Variants in ABCG5 observed in about 807,000 individuals in gnomAD.
The protein encoded by ABCG5 is ATP-binding cassette sub-family G member 5.
ABCG5 carries 64 observed loss-of-function variants against 64.5 expected under a neutral mutation model. The ratio of observed to expected loss-of-function variants is 0.99; its 90% confidence interval spans 0.81 to 1.22. The LOEUF (loss-of-function observed/expected upper bound fraction) is 1.22. ABCG5 is among the 50% of genes most tolerant of loss of function. The pLI is 0.00. For missense variants in ABCG5, 908 were observed against 829.5 expected (o/e 1.09, Z -1.16); for synonymous variants, 385 against 326.3 (o/e 1.18, Z -1.94).
intron 10 of ABCG5, among the ~76,000 whole-genome samples, chr2:43,821,547 C>A (rs1335454611): frequency 6.6e-6 from 1 of 152,174 alleles, no homozygotes; most frequent in Non-Finnish European, 1.5e-5. Context: ...ATGCTGGACC[C>A]CTTCTGCCAT....
downstream of ABCG5, chr2:43,810,286 T>A: frequency 1.2e-6 from 1 of 858,604 alleles, no homozygotes; most frequent in Non-Finnish European, 1.4e-6. Context: ...AGTGTCGCCA[T>A]CAGTGGTCTG....
At chr2:43,823,183 G>A (rs191110074) in intron 9 of ABCG5, among the ~76,000 whole-genome samples, 82 of 152,190 alleles carry the variant, frequency 5.4e-4, no homozygotes, top group African/African-American at 1.9e-3. Flanking sequence ...TCTAAAGTGG[G>A]GAGTTGTCAC....
At position 43,824,375 on chromosome 2, in the gene ABCG5, C is replaced by T. The variant is rs1348348567; in HGVS notation, c.962G>A (p.Arg321Lys). Residue 321 changes from arginine (R) to lysine (K), a missense_variant, in exon 8 of 13, where the codon AGA (arginine) becomes AAA (lysine). Physicochemically the swap from Arg to Lys is conservative, Grantham distance 26. Coordinates refer to ENST00000405322, the MANE Select transcript of ABCG5 (RefSeq NM_022436.3). The stretch of plus-strand genomic sequence containing the variant: ...GTAGGCAGATTCTATCATCTGGACT[C>T]TCTTGGAGGTTTCTATTTCCCGTTC... ...SKEREIETSK[R>K]VQMIESAYKK... The T allele has an allele frequency of 2.5e-6, 4 of 1,614,182 alleles. No homozygotes were observed. Among genetic ancestry groups the T allele is most frequent in the Non-Finnish European group, 3.4e-6 (4 of 1,180,034 alleles).
At chr2:43,811,574 G>A (rs547830337), downstream of ABCG5, among the ~76,000 whole-genome samples, 2 of 152,150 alleles carry the variant, frequency 1.3e-5, no homozygotes, top group South Asian at 4.2e-4. Flanking sequence ...CAATCAGAAA[G>A]AGAATCAGTA....
chr2:43,831,188 G>C (rs549807939), intron 4 of ABCG5, among the ~76,000 whole-genome samples: 1 of 151,998 alleles, frequency 6.6e-6, no homozygotes, highest in Non-Finnish European at 1.5e-5. Context: ...TATTTGGTTG[G>C]GAGAGACAGA....
chr2:43,828,576 C>A, intron 4 of ABCG5: 2 of 338,880 alleles, frequency 5.9e-6, no homozygotes, highest in Non-Finnish European at 5.6e-6. Flanking sequence ...GCAGGAGGAT[C>A]GCTTGATCCC....
At chr2:43,837,658 T>C (rs1668364053) in intron 2 of ABCG5, among the ~76,000 whole-genome samples, 176 bp downstream of exon 2, 1 of 152,240 alleles carries the variant, frequency 6.6e-6, no homozygotes, top group African/African-American at 2.4e-5. Context: ...TTTTATACTC[T>C]TTCAAGGATC....
rs914752434 is a variant in ABCG5, at chr2:43,822,416, C to G, written c.1463+381G>C. The G allele has an allele frequency of 5.8e-6, 4 of 689,374 alleles. No homozygotes were observed. In the East Asian group the frequency reaches 5.4e-4, roughly 93 times the overall value. 42.7% of individuals were successfully genotyped at this position (689,374 alleles called of 1,614,324 possible). On this transcript the variant is annotated intron_variant, in intron 10 of 12. Transcript: ENST00000405322. ...TCCTCTGTTGGTTGCTGTCCTCTTC[C>G]CACCCTCTGAATGTGTCTGTTTTAA...
At chr2:43,828,358 G>A (rs1242483652) in intron 4 of ABCG5, 3 of 534,824 alleles carry the variant, frequency 5.6e-6, no homozygotes. Flanking sequence ...CCCAGAGGCT[G>A]GGTGCAGTGG....
chr2:43,809,836 C>T (rs527385102), downstream of ABCG5: 95 of 1,529,414 alleles, frequency 6.2e-5, no homozygotes, highest in African/African-American at 1.3e-3. Flanking sequence ...TGTGAATTAA[C>T]TATTGTGGCA....
In ABCG5 at chr2:43,824,293, C is replaced by A. The variant is rs371319986; in HGVS notation, c.1044G>T (p.Leu348=). The A allele has an allele frequency of 1.2e-6, 2 of 1,614,038 alleles. No homozygotes were observed. The highest frequency in any genetic ancestry group is 2.7e-5 in the African/African-American group (2 of 74,910). ...TGAAAGGAACCATTGGTAACGTTTTCAGGTGTTTCATTCTTTCAATATTCT... is the reference window on the plus strand; with the variant it reads ...TGAAAGGAACCATTGGTAACGTTTTAAGGTGTTTCATTCTTTCAATATTCT... The part of the protein sequence containing the change: ...TLKNIERMKH[L]KTLPMVPFKT... Residue 348 remains leucine, a synonymous_variant, in exon 8 of 13, where the codon CTG becomes CTT. Transcript: ENST00000405322.
chr2:43,838,842 T>C, upstream of ABCG5: 4 of 1,372,628 alleles, frequency 2.9e-6, no homozygotes, highest in Non-Finnish European at 4.0e-6. This position sits in a 1 kb window ranked among gnomAD's most constrained non-coding sequence, Gnocchi z 4.2. Context: ...CATTATCTGA[T>C]GTACCTTTAG....
At position 43,824,882 on chromosome 2, in the gene ABCG5, AACTT is replaced by A. The variant is rs1167123880; in HGVS notation, c.904+3_904+6del. On this transcript the variant is annotated splice_donor_5th_base_variant and intron_variant, in intron 7 of 12. Coordinates refer to ENST00000405322, the MANE Select transcript of ABCG5 (RefSeq NM_022436.3). ...TTCATGATGGGGAATGTGAAAGAAA[AACTT>A]ACTATAGAAGTCAAAAGGGTTTGAA... The A allele has an allele frequency of 6.2e-7, 1 of 1,613,908 alleles. No homozygotes were observed. The highest frequency in any genetic ancestry group is 2.2e-5 in the East Asian group (1 of 44,860).
At chr2:43,828,472 C>CATAAA in intron 4 of ABCG5, 1 of 184,288 alleles carries the variant, frequency 5.4e-6, no homozygotes, top group Non-Finnish European at 9.9e-6. Context: ...CCTGTCTCTA[C>CATAAA]AAAAAAAAAA....
chr2:43,806,974 G>A, the ABCG5 span, among the ~76,000 whole-genome samples: 466 of 152,064 alleles, frequency 3.1e-3, 3 homozygotes, highest in African/African-American at 0.011. Context: ...GGTTTTAGAC[G>A]AATTGATTCC....
chr2:43,838,069 TC>T lies in ABCG5; in HGVS notation c.144-115del. ...CCACCCCAGTAGTCTCCGGACAGGC[TC>T]CTAACGTGTTTCAGTCTCTGCGCCC... On this transcript the variant is annotated intron_variant, in intron 1 of 12. Coordinates refer to ENST00000405322, the MANE Select transcript of ABCG5 (RefSeq NM_022436.3). This position sits in a 1 kb window ranked among gnomAD's most constrained non-coding sequence, Gnocchi z 4.2. 1 of 1,442,364 alleles carries T rather than the reference TC, an allele frequency of 6.9e-7. No individual in the cohort carries two copies. The highest frequency in any genetic ancestry group is 9.6e-7 in the Non-Finnish European group (1 of 1,041,752). 89.3% of individuals were successfully genotyped at this position (1,442,364 alleles called of 1,614,324 possible).
chr2:43,825,322 C>T (rs552739766), intron 6 of ABCG5, among the ~76,000 whole-genome samples: 5 of 152,238 alleles, frequency 3.3e-5, no homozygotes, highest in South Asian at 4.2e-4. Context: ...TGGACCTGGG[C>T]GTAAGTCCCA....
chr2:43,838,848 T>C, upstream of ABCG5: 1 of 1,333,954 alleles, frequency 7.5e-7, no homozygotes, highest in South Asian at 1.3e-5. The surrounding 1 kb of genome is among the most constrained non-coding windows in gnomAD (Gnocchi z 4.2). Flanking sequence ...CTGATGTACC[T>C]TTAGCCAGCG....
At position 43,838,255 on chromosome 2, in the gene ABCG5, C is replaced by T. The variant is rs559412000; in HGVS notation, c.143+282G>A. On this transcript the variant is annotated intron_variant, in intron 1 of 12. Transcript: ENST00000405322. The surrounding 1 kb of genome is among the most constrained non-coding windows in gnomAD (Gnocchi z 4.2). ...AGACTCCTTGCATTCGCAGTACCCC[C>T]ATTCCCATCCACAGAGGGCAGGCCG... 1.5e-3 allele frequency: 900 copies of T among 595,588 alleles called. 2 individuals are homozygous for T. The highest frequency in any genetic ancestry group is 1.9e-3 in the Non-Finnish European group (623 of 336,298). 36.9% of individuals were successfully genotyped at this position (595,588 alleles called of 1,614,324 possible).
Sources: allele counts gnomAD v4.1 joint callset (sites outside exome capture counted in the v4.1 genomes callset), GRCh38; gene constraint gnomAD v4.1.1; non-coding constraint Gnocchi (gnomAD v3.1); transcripts MANE v1.5; gene names NCBI Gene and HGNC (gene_info 2026-07-23, HGNC 2026-07-21).